Variants in SLC25A26 observed in about 807,000 individuals in gnomAD.
The protein encoded by SLC25A26 is solute carrier family 25 member 26, also known as mitochondrial S-adenosylmethionine carrier protein.
Under a neutral mutation model 37.8 loss-of-function variants are expected in SLC25A26, and 36 were observed. The ratio of observed to expected loss-of-function variants is 0.95; its 90% CI spans 0.73 to 1.26. The LOEUF (loss-of-function observed/expected upper bound fraction) is 1.26. Among genes scored for constraint, SLC25A26 ranks in the 50% most tolerant of loss-of-function variants. SLC25A26 has a pLI of 0.00. For missense variants in SLC25A26, 390 were observed against 331.1 expected (o/e 1.18, Z -1.38); for synonymous variants, 129 against 122.5 (o/e 1.05, Z -0.35).
rs942849174 is a variant in SLC25A26, at chr3:66,202,771, G to A, written c.-353-17971G>A. 3.5e-3 allele frequency among the ~76,000 whole-genome samples: 531 copies of A among 152,202 alleles called. 3 individuals are homozygous for A. Among genetic ancestry groups the A allele is most frequent in the African/African-American group, 0.012 (516 of 41,540 alleles). On this transcript the variant is annotated intron_variant, in intron 1 of 10. Coordinates refer to the SLC25A26 transcript ENST00000676754. ...AAAATGAAAAAAGAGACAAAAGAAG[G>A]AATTCTGCTAAGTTACACTGGGTTC...
chr3:66,219,179 T>C (rs983939619), upstream of SLC25A26, among the ~76,000 whole-genome samples: 12 of 152,278 alleles, frequency 7.9e-5, no homozygotes, highest in East Asian at 2.3e-3. Flanking sequence ...CAGTGAAAGC[T>C]TATTAATAGA....
At chr3:66,175,577 C>T (rs1017645623) in intron 1 of SLC25A26, among the ~76,000 whole-genome samples, 3 of 152,036 alleles carry the variant, frequency 2.0e-5, no homozygotes, top group African/African-American at 2.4e-5. Context: ...ATGGGAAGTC[C>T]GAAGATCTGC....
intron 5 of SLC25A26, among the ~76,000 whole-genome samples, chr3:66,276,945 C>T (rs1259675180): frequency 2.1e-4 from 29 of 139,182 alleles, no homozygotes; most frequent in Non-Finnish European, 4.5e-5. Context: ...AAGCTGCTTC[C>T]TGGCACTGTT....
At chr3:66,206,806 A>T (rs1167197180) in intron 1 of SLC25A26, among the ~76,000 whole-genome samples, 1 of 151,438 alleles carries the variant, frequency 6.6e-6, no homozygotes, top group Non-Finnish European at 1.5e-5. Flanking sequence ...CTTGGCCTCA[A>T]GCAATCCTCC....
intron 5 of SLC25A26, among the ~76,000 whole-genome samples, chr3:66,264,093 A>T (rs555519304): frequency 1.3e-5 from 2 of 152,108 alleles, no homozygotes; most frequent in East Asian, 3.9e-4. Flanking sequence ...CCTGGCCAAC[A>T]TGACGAAACC....
chr3:66,313,041 G>T (rs1360939399), intron 5 of SLC25A26, among the ~76,000 whole-genome samples: 3 of 152,116 alleles, frequency 2.0e-5, no homozygotes, highest in Non-Finnish European at 1.5e-5. Context: ...TTGTCAGATG[G>T]ATGGATAGCA....
At chr3:66,228,750 A>G (rs1369838369) in intron 1 of SLC25A26, among the ~76,000 whole-genome samples, 1 of 152,250 alleles carries the variant, frequency 6.6e-6, no homozygotes, top group African/African-American at 2.4e-5. Context: ...CTGAGGTCAT[A>G]TAGGTATAAT....
At chr3:66,254,106 G>A (rs2073207023) in intron 3 of SLC25A26, among the ~76,000 whole-genome samples, 1 of 152,250 alleles carries the variant, frequency 6.6e-6, no homozygotes, top group African/African-American at 2.4e-5. Flanking sequence ...AAGGGGGAAA[G>A]GTTTGATGAA....
chr3:66,144,923 C>T (rs1017741569), intron 1 of SLC25A26, among the ~76,000 whole-genome samples: 1 of 152,178 alleles, frequency 6.6e-6, no homozygotes, highest in Non-Finnish European at 1.5e-5. Context: ...GTCTGGCTGA[C>T]CTAGCAGTTC....
chr3:66,319,497 A>G (rs1350293711), intron 5 of SLC25A26, among the ~76,000 whole-genome samples: 1 of 152,132 alleles, frequency 6.6e-6, no homozygotes, highest in African/African-American at 2.4e-5. Flanking sequence ...TTACCTTTGA[A>G]ACAGAGTTGC....
At chr3:66,163,922 G>A (rs987303375) in intron 1 of SLC25A26, among the ~76,000 whole-genome samples, 4 of 152,204 alleles carry the variant, frequency 2.6e-5, no homozygotes, top group African/African-American at 9.7e-5. Flanking sequence ...ACATCTGTGG[G>A]AAAGAGATGT....
chr3:66,156,644 A>T (rs2070286605), intron 1 of SLC25A26, among the ~76,000 whole-genome samples: 1 of 152,252 alleles, frequency 6.6e-6, no homozygotes, highest in East Asian at 1.9e-4. Context: ...GAGGCAAACT[A>T]TCTATCTTGG....
chr3:66,233,935 G>C (rs889443049), intron 1 of SLC25A26, among the ~76,000 whole-genome samples: 2 of 152,140 alleles, frequency 1.3e-5, no homozygotes, highest in Admixed American at 1.3e-4. Flanking sequence ...GCAGTAGATA[G>C]CACTTCTCTG....
At chr3:66,183,186 T>G (rs1303607726) in intron 1 of SLC25A26, among the ~76,000 whole-genome samples, 1 of 151,818 alleles carries the variant, frequency 6.6e-6, no homozygotes, top group Admixed American at 6.6e-5. Context: ...ACCTAATCCT[T>G]TCGCTGACCC....
chr3:66,370,463 C>T, intron 8 of SLC25A26, 66 bp from the exon 9 acceptor site: 2 of 1,284,684 alleles, frequency 1.6e-6, no homozygotes, highest in South Asian at 2.5e-5. Context: ...CTGAGGATAT[C>T]TGAGAGGCAA....
At chr3:66,283,124 C>G (rs1190812444) in intron 5 of SLC25A26, among the ~76,000 whole-genome samples, 1 of 152,178 alleles carries the variant, frequency 6.6e-6, no homozygotes, top group East Asian at 1.9e-4. Flanking sequence ...CATTTGACTT[C>G]TTTTGGTATC....
chr3:66,337,541 G>A (rs1307083982), intron 5 of SLC25A26, among the ~76,000 whole-genome samples: 1 of 151,886 alleles, frequency 6.6e-6, no homozygotes, highest in Non-Finnish European at 1.5e-5. Flanking sequence ...TGTTTAGGGG[G>A]AAAAAATCAA....
Position 66,243,395 on chromosome 3 carries a change from A to G in SLC25A26, c.300+83A>G, listed in dbSNP as rs1236867143. On this transcript the variant is annotated intron_variant, in intron 3 of 9. Transcript: ENST00000354883. ...TCAGTACATATTTATTTCATTTTTT[A>G]AAAATTATTTTTAAATTATGAAAGT... The G allele has an allele frequency of 5.8e-5, 39 of 678,050 alleles. 2 individuals carry two copies. Among genetic ancestry groups the G allele is most frequent in the Non-Finnish European group, 2.5e-6 (1 of 401,698 alleles). 42.0% of individuals were successfully genotyped at this position (678,050 alleles called of 1,614,324 possible).
At chr3:66,134,853 G>T (rs1010514363) in intron 1 of SLC25A26, among the ~76,000 whole-genome samples, 5 of 150,384 alleles carry the variant, frequency 3.3e-5, no homozygotes, top group Admixed American at 2.6e-4. Flanking sequence ...TTTTTGAGAC[G>T]GAGTTTTGTT....
Sources: allele counts gnomAD v4.1 joint callset (sites outside exome capture counted in the v4.1 genomes callset), GRCh38; gene constraint gnomAD v4.1.1; transcripts MANE v1.5; gene names NCBI Gene and HGNC (gene_info 2026-07-23, HGNC 2026-07-21).